TTN: variants seen among roughly 807,000 people sequenced by gnomAD.
TTN encodes titin, also known as connectin.
A neutral mutation model predicts 3,223.0 loss-of-function variants in TTN; 1,525 were observed. The observed-to-expected ratio is 0.47, with a 90% CI of 0.45 to 0.49. TTN has a LOEUF of 0.49. Ranked by LOEUF, TTN falls within the 20% of genes least tolerant of loss-of-function variation. The pLI, the probability that TTN is intolerant of heterozygous loss-of-function variation, is 0.00. For synonymous variants in TTN, 14,094 were observed against 15,161.0 expected (o/e 0.93, Z 5.17); for missense variants, 40,786 against 43,424.0 (o/e 0.94, Z 5.40).
In TTN at chr2:178,575,236, C is replaced by T; in HGVS notation, c.70896G>A (p.Glu23632=). ...TCTGATAGATGCCACGGAGATCCAG[C>T]TCTGGAAGCATTGTCTGCTCCTTGA... ...VIVKEQTMLP[E]LDLRGIYQKL... is the part of the protein sequence containing the mutation. Residue 23632 remains glutamate, a synonymous_variant, in exon 326 of 363, where the codon GAG becomes GAA. Transcript: ENST00000589042. The surrounding 1 kb of genome is among the most constrained non-coding windows in gnomAD (Gnocchi z 4.0). 6.2e-7 allele frequency: 1 copy of T among 1,613,094 alleles called. No individual in the cohort carries two copies. Among genetic ancestry groups the T allele is most frequent in the Non-Finnish European group, 8.5e-7 (1 of 1,179,530 alleles).
At chr2:178,681,999 T>A (rs1253245230) in intron 135 of TTN, among the ~76,000 whole-genome samples, 1 of 151,924 alleles carries the variant, frequency 6.6e-6, no homozygotes, top group Non-Finnish European at 1.5e-5. Flanking sequence ...GAAACTCCCC[T>A]ATAATATGGT....
rs1328571777 is a variant in TTN at position 178,779,223 on chromosome 2, T to C, written c.3963+6A>G. The C allele has an allele frequency of 6.2e-7, 1 of 1,613,436 alleles. No homozygotes were observed. Among genetic ancestry groups the C allele is most frequent in the South Asian group, 1.1e-5 (1 of 91,072 alleles). On this transcript the variant is annotated splice_donor_region_variant and intron_variant, in intron 23 of 362. Transcript: ENST00000589042. ...CAAGGAGCTATGATAAATGTTTATA[T>C]TTTACCTTTGGTAATGGATATCCAG...
intron 157 of TTN, 74 bp from the exon 158 acceptor site, chr2:178,669,749 G>T: frequency 6.8e-7 from 1 of 1,472,084 alleles, no homozygotes; most frequent in Non-Finnish European, 9.4e-7. Flanking sequence ...CCTAGAAGGG[G>T]CATCTAACAA....
In TTN at chr2:178,563,914, G is replaced by A. The variant is rs1704649281; in HGVS notation, c.82218C>T (p.Ile27406=). The A allele has an allele frequency of 1.9e-6, 3 of 1,613,518 alleles. No homozygotes were observed. The African/African-American group carries it at 4.0e-5, about 22-fold the overall frequency. Residue 27406 remains isoleucine (I), a synonymous_variant, in exon 326 of 363, where the codon ATC becomes ATT. Coordinates refer to ENST00000589042, the MANE Select transcript of TTN (RefSeq NM_001267550.2). This position sits in a 1 kb window ranked among gnomAD's most constrained non-coding sequence, Gnocchi z 4.5. ...GTCGGCTTGTCTCCCTCTTTTCAATGATGTAATGTGAAATATTAGCACCAC... is the reference window on the plus strand; with the variant it reads ...GTCGGCTTGTCTCCCTCTTTTCAATAATGTAATGTGAAATATTAGCACCAC... ...QDGGANISHY[I]IEKRETSRLS...
rs754089695 is a variant in TTN, at chr2:178,561,192, C to T, written c.84940G>A (p.Val28314Ile). The change falls in exon 326 of 363, where the codon GTA becomes ATA. Residue 28314 changes from valine (V) to isoleucine (I), a missense_variant. Val to Ile is a conservative substitution (Grantham distance 29). Transcript: ENST00000589042. Reference protein sequence around the residue: ...YTNIQETYFEVTELTEDQRYE... With the variant: ...YTNIQETYFEITELTEDQRYE... Reference sequence around the variant, plus strand: ...CGCTGATCTTCAGTAAGTTCAGTTACTTCAAAGTATGTTTCTTGTATATTA... The same window carrying T: ...CGCTGATCTTCAGTAAGTTCAGTTATTTCAAAGTATGTTTCTTGTATATTA... The T allele has an allele frequency of 5.0e-6, 8 of 1,613,596 alleles. No individual in the cohort carries two copies. The highest frequency in any genetic ancestry group is 6.8e-6 in the Non-Finnish European group (8 of 1,179,794).
rs770329487 is a variant in TTN, at chr2:178,599,126, GAA to G, written c.56647+18_56647+19del. Reference sequence around the variant, plus strand: ...AAAAAGTAAAAATGGCTTTGTATGTGAAAATGTTCTCCTACTTACAGAAGAGG... The same window carrying G: ...AAAAAGTAAAAATGGCTTTGTATGTGAATGTTCTCCTACTTACAGAAGAGG... On this transcript the variant is annotated intron_variant, in intron 290 of 362. Coordinates refer to ENST00000589042, the MANE Select transcript of TTN (RefSeq NM_001267550.2). 5.3e-6 allele frequency: 8 copies of G among 1,507,946 alleles called. No individual in the cohort carries two copies. In the South Asian group the frequency reaches 1.1e-4, roughly 21 times the overall value. 93.4% of individuals were successfully genotyped at this position (1,507,946 alleles called of 1,614,324 possible). A position where few individuals can be genotyped will look rare whatever the true frequency, so the allele number is the denominator to read the frequency against.
chr2:178,770,242 T>C lies in TTN; in HGVS notation c.8459A>G (p.His2820Arg), dbSNP rs794729581. The change falls in exon 36 of 363, where the codon CAT becomes CGT. Residue 2820 changes from histidine (H) to arginine (R), a missense_variant. Transcript: ENST00000589042. ...ATVAFEVSVS[H>R]DTVPVKWFHK... The stretch of plus-strand genomic sequence containing the variant: ...GAACCATTTTACTGGAACAGTGTCA[T>C]GGGAAACACTAACTTCAAAGGCAAC... The C allele has an allele frequency of 6.8e-6, 11 of 1,614,046 alleles. No homozygotes were observed. The highest frequency in any genetic ancestry group is 1.3e-5 in the African/African-American group (1 of 74,934).
Position 178,719,818 on chromosome 2 carries a change from T to G in TTN, c.23674A>C (p.Ile7892Leu). 1 of 1,604,580 alleles carries G rather than the reference T, an allele frequency of 6.2e-7. No homozygotes were observed. Among genetic ancestry groups the G allele is most frequent in the Non-Finnish European group, 8.5e-7 (1 of 1,174,596 alleles). ...ACAGTCATGGGTTCGGGCTTCTCTA[T>G]GATTCTTGCTGGTTCTAAAAGAAGA... is the stretch of plus-strand genomic sequence containing the variant. ...VLTVLEPARI[I>L]EKPEPMTVTT... The change falls in exon 82 of 363, where the codon ATA (isoleucine) becomes CTA (leucine). Residue 7892 changes from isoleucine to leucine, a missense_variant. Coordinates refer to ENST00000589042, the MANE Select transcript of TTN (RefSeq NM_001267550.2).
chr2:178,537,166 G>T lies in TTN; in HGVS notation c.99943C>A (p.Pro33315Thr), dbSNP rs1401105733. 1 of 1,613,692 alleles carries T rather than the reference G, an allele frequency of 6.2e-7. No homozygotes were observed. Among genetic ancestry groups the T allele is most frequent in the African/African-American group, 1.3e-5 (1 of 75,022 alleles). ...ATCCAGGAGCCTCCGTCATCTGCGG[G>T]TGGTTTCCAGCTGATCACTGCGGAG... ...KNSAVISWKP[P>T]ADDGGSWITN... Residue 33315 changes from proline (P) to threonine (T), a missense_variant, in exon 356 of 363, where the codon CCC becomes ACC. Physicochemically the swap from Pro to Thr is conservative, Grantham distance 38. Transcript: ENST00000589042.
chr2:178,703,392 A>G (rs1446010949), intron 106 of TTN, among the ~76,000 whole-genome samples: 1 of 152,176 alleles, frequency 6.6e-6, no homozygotes, highest in Non-Finnish European at 1.5e-5. Context: ...TTAATTTGAA[A>G]ACCATTTAAA....
rs1190407874 is a variant in TTN at position 178,689,146 on chromosome 2, C to T, written c.32012-10G>A. 6.3e-7 allele frequency: 1 copy of T among 1,597,332 alleles called. No individual in the cohort carries two copies. The highest frequency in any genetic ancestry group is 1.8e-5 in the Admixed American group (1 of 55,642). On this transcript the variant is annotated splice_polypyrimidine_tract_variant and intron_variant, in intron 124 of 362. Transcript: ENST00000589042. Reference sequence around the variant, plus strand: ...TTAGGCAGAGCTGGCACTTTAGAGACATTATGCACTTTTAGAAATTTAATG... The same window carrying T: ...TTAGGCAGAGCTGGCACTTTAGAGATATTATGCACTTTTAGAAATTTAATG...
At position 178,572,960 on chromosome 2, in the gene TTN, T is replaced by C; in HGVS notation, c.73172A>G (p.Glu24391Gly). 2 of 1,613,228 alleles carry C rather than the reference T, an allele frequency of 1.2e-6. No individual in the cohort carries two copies. The highest frequency in any genetic ancestry group is 2.2e-5 in the East Asian group (1 of 44,658). ...GATGCGGATCTTATATTCCTGATTC[T>C]CTGTGAGGCCAGTGATAGTATACGA... ...ATSYTITGLT[E>G]NQEYKIRIYA... The change falls in exon 326 of 363, where the codon GAG (glutamate) becomes GGG (glycine). Residue 24391 changes from glutamate (E) to glycine (G), a missense_variant. Glu to Gly is a moderately conservative substitution (Grantham distance 98). Coordinates refer to ENST00000589042, the MANE Select transcript of TTN (RefSeq NM_001267550.2).
chr2:178,736,652 T>A (rs2081493480), intron 49 of TTN, among the ~76,000 whole-genome samples: 1 of 152,168 alleles, frequency 6.6e-6, no homozygotes, highest in Non-Finnish European at 1.5e-5. Flanking sequence ...TTTCAGAACC[T>A]CTCTTTTTAA....
rs1208622337 is a variant in TTN, at chr2:178,759,042, C to T, written c.10245G>A (p.Thr3415=). 6.2e-6 allele frequency: 10 copies of T among 1,613,870 alleles called. No individual in the cohort carries two copies. The highest frequency in any genetic ancestry group is 1.6e-4 in the Middle Eastern group (1 of 6,080). The change falls in exon 44 of 363, where the codon ACG becomes ACA. Residue 3415 remains threonine, a synonymous_variant. Transcript: ENST00000589042. ...EAYPEDEGTY[T]FVASNAVGQV... ...GGCCTACAGCATTACTAGCAACAAA[C>T]GTGTAAGTTCCTTCATCTTCTGGAT...
In TTN at chr2:178,584,573, G is replaced by T. The variant is rs2048516567; in HGVS notation, c.64978C>A (p.Pro21660Thr). Residue 21660 changes from proline (P) to threonine (T), a missense_variant, in exon 311 of 363, where the codon CCT (proline) becomes ACT (threonine). Pro to Thr is a conservative substitution (Grantham distance 38). Transcript: ENST00000589042. ...KMVAQFPFGVPSEPKNARVTK... is the reference protein window; with the variant it reads ...KMVAQFPFGVTSEPKNARVTK... ...ACTCGTGCATTCTTTGGTTCACTAGGAACACCTGGAGATGAAGACAAGGAA... is the reference window on the plus strand; with the variant it reads ...ACTCGTGCATTCTTTGGTTCACTAGTAACACCTGGAGATGAAGACAAGGAA... 6.2e-7 allele frequency: 1 copy of T among 1,611,462 alleles called. No homozygotes were observed. The highest frequency in any genetic ancestry group is 1.3e-5 in the African/African-American group (1 of 74,736).
chr2:178,626,993 A>G (rs2059149023), intron 240 of TTN, among the ~76,000 whole-genome samples: 1 of 151,964 alleles, frequency 6.6e-6, no homozygotes. Flanking sequence ...TAGGTGCCTT[A>G]TAAAAATAAA....
intron 278 of TTN, 150 bp downstream of exon 278, chr2:178,606,871 T>C: frequency 1.2e-6 from 1 of 809,102 alleles, no homozygotes; most frequent in Non-Finnish European, 1.9e-6. Flanking sequence ...ATATCTTTAA[T>C]GTTGCTAATA....
At position 178,593,794 on chromosome 2, in the gene TTN, C is replaced by T. The variant is rs1375512665; in HGVS notation, c.58506G>A (p.Lys19502=). Reference sequence around the variant, plus strand: ...TACTGCCTCCATCATCTAAAGGAGGCTTCCAAGAGATAACCATGTAATCTT... The same window carrying T: ...TACTGCCTCCATCATCTAAAGGAGGTTTCCAAGAGATAACCATGTAATCTT... ...VTKDYMVISW[K]PPLDDGGSKI... is the part of the protein sequence containing the mutation. The change falls in exon 298 of 363, where the codon AAG becomes AAA. Residue 19502 remains lysine (K), a synonymous_variant. Transcript: ENST00000589042. The T allele has an allele frequency of 1.2e-6, 2 of 1,613,068 alleles. No homozygotes were observed. The highest frequency in any genetic ancestry group is 1.7e-6 in the Non-Finnish European group (2 of 1,179,582).
chr2:178,722,425 T>C lies in TTN; in HGVS notation c.22362A>G (p.Arg7454=). 1 of 1,613,490 alleles carries C rather than the reference T, an allele frequency of 6.2e-7. No homozygotes were observed. The highest frequency in any genetic ancestry group is 8.5e-7 in the Non-Finnish European group (1 of 1,179,560). Residue 7454 remains arginine, a synonymous_variant, in exon 77 of 363, where the codon AGA becomes AGG. Coordinates refer to ENST00000589042, the MANE Select transcript of TTN (RefSeq NM_001267550.2). The part of the protein sequence containing the change: ...GSAPIQVCWY[R]DGVLLRDDEN... Reference sequence around the variant, plus strand: ...CATCGTCTCTTAAAAGTACTCCATCTCTATACCAGCACACTTGGATGGGTG... The same window carrying C: ...CATCGTCTCTTAAAAGTACTCCATCCCTATACCAGCACACTTGGATGGGTG...
Sources: allele counts gnomAD v4.1 joint callset (sites outside exome capture counted in the v4.1 genomes callset), GRCh38; gene constraint gnomAD v4.1.1; non-coding constraint Gnocchi (gnomAD v3.1); transcripts MANE v1.5; gene names NCBI Gene and HGNC (gene_info 2026-07-23, HGNC 2026-07-21).